TUBB: variants seen among roughly 807,000 people sequenced by gnomAD.
TUBB encodes tubulin beta class I, also known as tubulin beta chain.
Under a neutral mutation model 35.1 loss-of-function variants are expected in TUBB, and 2 were observed. The observed-to-expected ratio is 0.06, with a 90% CI of 0.02 to 0.18. The LOEUF is 0.18. Among genes scored for constraint, TUBB ranks in the 10% least tolerant of loss-of-function variants. The probability of loss-of-function intolerance (pLI) is 1.00; values close to 1 mark genes in which losing one functional copy is unlikely to be tolerated. For synonymous variants in TUBB, 205 were observed against 223.8 expected (o/e 0.92, Z 0.75); for missense variants, 50 against 599.4 (o/e 0.08, Z 9.57).
At chr6:30,722,840 T>C (rs896217498) in intron 2 of TUBB, 78 bp from the exon 3 acceptor site, 1 of 1,315,974 alleles carries the variant, frequency 7.6e-7, no homozygotes, top group Non-Finnish European at 1.1e-6. Flanking sequence ...CTCTGATCCC[T>C]GCTGTCTCCC....
In TUBB at chr6:30,724,559, A is replaced by G. The variant is rs1215408389; in HGVS notation, c.*162A>G. 8.1e-6 allele frequency: 5 copies of G among 616,582 alleles called. No individual in the cohort carries two copies. The highest frequency in any genetic ancestry group is 3.7e-5 in the African/African-American group (2 of 54,238). 38.2% of individuals were successfully genotyped at this position (616,582 alleles called of 1,614,324 possible). A position where few individuals can be genotyped will look rare whatever the true frequency, so the allele number is the denominator to read the frequency against. On this transcript the variant is annotated 3_prime_UTR_variant, in exon 4 of 4. Transcript: ENST00000327892. This position sits in a 1 kb window ranked among gnomAD's most constrained non-coding sequence, Gnocchi z 4.4. ...GTGCCTGGCACATAGTAGGCGCTCA[A>G]TAAATACTTGTTTGTTGAATGTCTC... is the stretch of plus-strand genomic sequence containing the variant.
At chr6:30,723,243 GAT>G in intron 3 of TUBB, 95 bp from the exon 4 acceptor site, 1 of 1,103,792 alleles carries the variant, frequency 9.1e-7, no homozygotes, top group Admixed American at 2.7e-5. Context: ...GGAGAAAGAA[GAT>G]ACATCCGAGG....
In TUBB at chr6:30,724,896, A is replaced by T. The variant is rs1776538411; in HGVS notation, c.*499A>T. 6.3e-6 allele frequency: 1 copy of T among 157,686 alleles called. No individual in the cohort carries two copies. The highest frequency in any genetic ancestry group is 1.9e-4 in the South Asian group (1 of 5,238). 9.8% of individuals were successfully genotyped at this position (157,686 alleles called of 1,614,324 possible). ...GGCTATTAAAGTCACTAAATTTCTA[A>T]GTATGTCCATTTCCCATCTCAGCTT... On this transcript the variant is annotated 3_prime_UTR_variant, in exon 4 of 4. Transcript: ENST00000327892. This position sits in a 1 kb window ranked among gnomAD's most constrained non-coding sequence, Gnocchi z 4.4.
intron 1 of TUBB, chr6:30,722,107 T>C (rs948602365): frequency 1.7e-5 from 3 of 179,998 alleles, no homozygotes; most frequent in Non-Finnish European, 3.5e-5. Flanking sequence ...CATCCGTGAT[T>C]GCACCACTGC....
chr6:30,724,912 ATC>A lies in TUBB; in HGVS notation c.*518_*519del, dbSNP rs1475178301. On this transcript the variant is annotated 3_prime_UTR_variant, in exon 4 of 4. Coordinates refer to ENST00000327892, the MANE Select transcript of TUBB (RefSeq NM_178014.4). This position sits in a 1 kb window ranked among gnomAD's most constrained non-coding sequence, Gnocchi z 4.4. ...AAATTTCTAAGTATGTCCATTTCCCATCTCAGCTTCAAGGGAGGTGTCAGCAG... is the reference window on the plus strand; with the variant it reads ...AAATTTCTAAGTATGTCCATTTCCCATCAGCTTCAAGGGAGGTGTCAGCAG... 1.3e-5 allele frequency: 2 copies of A among 156,176 alleles called. No individual in the cohort carries two copies. The highest frequency in any genetic ancestry group is 4.8e-5 in the African/African-American group (2 of 41,476). The allele number at this position is 156,176 out of a possible 1,614,324, so 9.7% of individuals were successfully genotyped here. A position where few individuals can be genotyped will look rare whatever the true frequency, so the allele number is the denominator to read the frequency against.
At position 30,723,482 on chromosome 6, in the gene TUBB, C is replaced by T. The variant is rs773923877; in HGVS notation, c.420C>T (p.Gly140=). 3.5e-5 allele frequency: 57 copies of T among 1,614,144 alleles called. No homozygotes were observed. The highest frequency in any genetic ancestry group is 2.9e-4 in the African/African-American group (22 of 75,012). Residue 140 remains glycine, a synonymous_variant, in exon 4 of 4, where the codon GGC becomes GGT. Transcript: ENST00000327892. ...LQGFQLTHSL[G]GGTGSGMGTL... ...GCTTCCAGCTGACCCACTCACTGGG[C>T]GGGGGCACAGGCTCTGGAATGGGCA...
At chr6:30,722,250 C>T (rs1238528774) in intron 1 of TUBB, 1 of 385,796 alleles carries the variant, frequency 2.6e-6, no homozygotes, top group East Asian at 5.4e-5. Flanking sequence ...TCTAGACCAT[C>T]CTGGCCAACA....
chr6:30,722,240 T>C (rs377366228), intron 1 of TUBB: 1 of 361,456 alleles, frequency 2.8e-6, no homozygotes, highest in Non-Finnish European at 5.2e-6. Flanking sequence ...GGTCAAGAGA[T>C]CTAGACCATC....
chr6:30,724,317 G>A lies in TUBB; in HGVS notation c.1255G>A (p.Val419Ile), dbSNP rs1776477704. 1 of 1,613,136 alleles carries A rather than the reference G, an allele frequency of 6.2e-7. No homozygotes were observed. The highest frequency in any genetic ancestry group is 8.5e-7 in the Non-Finnish European group (1 of 1,179,876). Residue 419 changes from valine to isoleucine, a missense_variant, in exon 4 of 4, where the codon GTC (valine) becomes ATC (isoleucine). Transcript: ENST00000327892. The surrounding 1 kb of genome is among the most constrained non-coding windows in gnomAD (Gnocchi z 4.4). ...GGCTGAGAGCAACATGAACGACCTC[G>A]TCTCTGAGTATCAGCAGTACCAGGA... ...TEAESNMNDL[V>I]SEYQQYQDAT... is the part of the protein sequence containing the mutation.
chr6:30,724,598 C>A lies in TUBB; in HGVS notation c.*201C>A. 1.8e-6 allele frequency: 1 copy of A among 552,722 alleles called. No individual in the cohort carries two copies. Among genetic ancestry groups the A allele is most frequent in the South Asian group, 2.8e-5 (1 of 35,964 alleles). The allele number at this position is 552,722 out of a possible 1,614,324, so 34.2% of individuals were successfully genotyped here. ...GTTGAATGTCTCCTCTCTCTTTCCA[C>A]TCTGGGAAACCTAGGTTTCTGCCAT... On this transcript the variant is annotated 3_prime_UTR_variant, in exon 4 of 4. Coordinates refer to ENST00000327892, the MANE Select transcript of TUBB (RefSeq NM_178014.4). The surrounding 1 kb of genome is among the most constrained non-coding windows in gnomAD (Gnocchi z 4.4).
intron 1 of TUBB, chr6:30,722,008 C>T (rs1478525128): frequency 1.2e-5 from 8 of 655,410 alleles, no homozygotes; most frequent in Middle Eastern, 7.5e-4. Context: ...AAAAAATTAG[C>T]TGGGCGTGGT....
Position 30,720,429 on chromosome 6 carries a change from G to A in TUBB, c.-78G>A. 6.9e-7 allele frequency: 1 copy of A among 1,452,406 alleles called. No homozygotes were observed. The highest frequency in any genetic ancestry group is 9.7e-7 in the Non-Finnish European group (1 of 1,035,718). 90.0% of individuals were successfully genotyped at this position (1,452,406 alleles called of 1,614,324 possible). ...GGCGCATTCCAACCTTCCAGCCTGCGACCTGCGGAGAAAAAAAATTACTTA... is the reference window on the plus strand; with the variant it reads ...GGCGCATTCCAACCTTCCAGCCTGCAACCTGCGGAGAAAAAAAATTACTTA... On this transcript the variant is annotated 5_prime_UTR_variant, in exon 1 of 4. Coordinates refer to ENST00000327892, the MANE Select transcript of TUBB (RefSeq NM_178014.4).
chr6:30,722,454 GA>G (rs1428924204), intron 1 of TUBB, 82 bp from the exon 2 acceptor site: 10 of 1,013,498 alleles, frequency 9.9e-6, no homozygotes, highest in Middle Eastern at 2.2e-4. Flanking sequence ...AAAAAATTAA[GA>G]AAAAGATGAA....
rs1360679788 is a variant in TUBB at position 30,724,121 on chromosome 6, C to G, written c.1059C>G (p.Val353=). The G allele has an allele frequency of 6.2e-7, 1 of 1,602,374 alleles. No individual in the cohort carries two copies. Among genetic ancestry groups the G allele is most frequent in the Middle Eastern group, 1.7e-4 (1 of 6,058 alleles). Residue 353 remains valine, a synonymous_variant, in exon 4 of 4, where the codon GTC becomes GTG. Transcript: ENST00000327892. This position sits in a 1 kb window ranked among gnomAD's most constrained non-coding sequence, Gnocchi z 4.4. The stretch of plus-strand genomic sequence containing the variant: ...TCCCCAACAATGTCAAGACAGCCGT[C>G]TGTGACATCCCACCTCGTGGCCTCA... The part of the protein sequence containing the change: ...EWIPNNVKTA[V]CDIPPRGLKM...
At chr6:30,721,498 G>C (rs958396541) in intron 1 of TUBB, 65 of 964,118 alleles carry the variant, frequency 6.7e-5, no homozygotes, top group Non-Finnish European at 7.6e-5. Context: ...GCTACCTTGG[G>C]CCCCGCCCCT....
chr6:30,723,058 A>G, intron 3 of TUBB, 30 bp downstream of exon 3: 2 of 1,546,162 alleles, frequency 1.3e-6, no homozygotes, highest in Non-Finnish European at 8.9e-7. Context: ...TTAGCAGATG[A>G]TATACCATCG....
In TUBB at chr6:30,723,593, C is replaced by T; in HGVS notation, c.531C>T (p.Asp177=). The change falls in exon 4 of 4, where the codon GAC becomes GAT. Residue 177 remains aspartate (D), a synonymous_variant. Transcript: ENST00000327892. ...TGGTGCCTTCACCCAAAGTGTCTGA[C>T]ACCGTGGTCGAGCCCTACAATGCCA... ...FSVVPSPKVS[D]TVVEPYNATL... is the part of the protein sequence containing the mutation. 4 of 1,614,272 alleles carry T rather than the reference C, an allele frequency of 2.5e-6. No individual in the cohort carries two copies. The highest frequency in any genetic ancestry group is 3.4e-6 in the Non-Finnish European group (4 of 1,180,044).
chr6:30,720,637 G>T, intron 1 of TUBB, 74 bp downstream of exon 1: 1 of 1,376,458 alleles, frequency 7.3e-7, no homozygotes, highest in Admixed American at 1.9e-5. Flanking sequence ...ATGGTTGTGG[G>T]GCATTTGCAC....
Position 30,723,037 on chromosome 6 carries a change from T to C in TUBB, c.277+9T>C, listed in dbSNP as rs1440585778. The C allele has an allele frequency of 1.9e-6, 3 of 1,599,794 alleles. No homozygotes were observed. Among genetic ancestry groups the C allele is most frequent in the African/African-American group, 2.7e-5 (2 of 74,528 alleles). On this transcript the variant is annotated intron_variant, in intron 3 of 3. Coordinates refer to ENST00000327892, the MANE Select transcript of TUBB (RefSeq NM_178014.4). ...AGACAACTTTGTATTTGGTGAGTTATACAGATGATATTAGCAGATGATATA... is the reference window on the plus strand; with the variant it reads ...AGACAACTTTGTATTTGGTGAGTTACACAGATGATATTAGCAGATGATATA...
Sources: allele counts gnomAD v4.1 joint callset, GRCh38; gene constraint gnomAD v4.1.1; non-coding constraint Gnocchi (gnomAD v3.1); transcripts MANE v1.5; gene names NCBI Gene and HGNC (gene_info 2026-07-23, HGNC 2026-07-21).